DNM2: variants seen among roughly 807,000 people sequenced by gnomAD.
DNM2 encodes dynamin 2.
DNM2 carries 15 observed loss-of-function variants against 99.0 expected under a neutral mutation model. The ratio of observed to expected loss-of-function variants is 0.15; its 90% CI spans 0.10 to 0.23. DNM2 has a LOEUF of 0.23. DNM2 is among the 10% of genes least tolerant of loss of function. The probability of loss-of-function intolerance (pLI) is 1.00; values close to 1 mark genes in which losing one functional copy is unlikely to be tolerated. For missense variants in DNM2, 742 were observed against 1,189.4 expected, an observed-to-expected ratio of 0.62 and a Z score of 5.53; for synonymous variants, 525 against 481.2, an observed-to-expected ratio of 1.09 and a Z score of -1.19.
Position 10,742,936 on chromosome 19 carries a change from C to G in DNM2, c.162-16802C>G, listed in dbSNP as rs539902597. On this transcript the variant is annotated intron_variant, in intron 1 of 20. Coordinates refer to ENST00000389253, the MANE Select transcript of DNM2 (RefSeq NM_001005361.3). ...TTCTTTTTTTTTTTTTTTTTTGAGA[C>G]AGAGTCTCCCTCTGTCATGCAGGTT... Among the ~76,000 whole-genome samples the G allele has an allele frequency of 2.9e-5, 4 of 138,732 alleles. No individual in the cohort carries two copies. In the East Asian group the frequency reaches 6.5e-4, roughly 23 times the overall value. 91.0% of individuals were successfully genotyped at this position (138,732 alleles called of 152,430 possible). A position where few individuals can be genotyped will look rare whatever the true frequency, so the allele number is the denominator to read the frequency against.
chr19:10,824,904 C>A, intron 17 of DNM2, 153 bp from the exon 18 acceptor site: 2 of 1,245,290 alleles, frequency 1.6e-6, no homozygotes, highest in Non-Finnish European at 2.3e-6. Flanking sequence ...GCAGCTCTGG[C>A]CCAGGGCAAG....
intron 4 of DNM2, 112 bp from the exon 5 acceptor site, chr19:10,777,006 G>T (rs891298224): frequency 1.0e-6 from 1 of 994,204 alleles, no homozygotes; most frequent in African/African-American, 1.6e-5. Context: ...GCTTTCCCAG[G>T]TGATGTGACC....
chr19:10,736,627 G>A (rs2069537008), intron 1 of DNM2, among the ~76,000 whole-genome samples: 1 of 152,112 alleles, frequency 6.6e-6, no homozygotes, highest in African/African-American at 2.4e-5. Context: ...TGTTTGTTTA[G>A]ACAAAGTCTC....
rs902365563 is a variant in DNM2, at chr19:10,718,658, C to T, written c.161+255C>T. 51 of 368,804 alleles carry T rather than the reference C, an allele frequency of 1.4e-4. 1 individual carries two copies. Among genetic ancestry groups the T allele is most frequent in the African/African-American group, 7.7e-4 (36 of 46,670 alleles). The allele number at this position is 368,804 out of a possible 1,614,324, so 22.8% of individuals were successfully genotyped here. On this transcript the variant is annotated intron_variant, in intron 1 of 20. Transcript: ENST00000389253. Reference sequence around the variant, plus strand: ...CCGTAGGACAGGAGGTGCGCTGGAACCCTGCGGTCCATCTGGTCCCAGCTT... The same window carrying T: ...CCGTAGGACAGGAGGTGCGCTGGAATCCTGCGGTCCATCTGGTCCCAGCTT...
chr19:10,744,677 C>T (rs1568275144), intron 1 of DNM2, among the ~76,000 whole-genome samples: 3 of 152,122 alleles, frequency 2.0e-5, no homozygotes, highest in South Asian at 2.1e-4. Flanking sequence ...ACACAGTGAG[C>T]GTTCACTTTG....
intron 1 of DNM2, among the ~76,000 whole-genome samples, chr19:10,727,110 T>C (rs893417957): frequency 3.9e-5 from 6 of 152,130 alleles, no homozygotes; most frequent in African/African-American, 1.4e-4. Flanking sequence ...GTGAATCGTC[T>C]CCCCATGTGA....
Position 10,775,956 on chromosome 19 carries a change from G to C in DNM2, c.589+50G>C. 2 of 1,594,860 alleles carry C rather than the reference G, an allele frequency of 1.3e-6. No individual in the cohort carries two copies. Among genetic ancestry groups the C allele is most frequent in the Non-Finnish European group, 1.7e-6 (2 of 1,175,430 alleles). ...CCTCTTCCAGGTGCCTCTGAGCATG[G>C]GATGTGCCCAGCATCCTTGGTTCCA... On this transcript the variant is annotated intron_variant, in intron 4 of 20. Transcript: ENST00000389253. The surrounding 1 kb of genome is among the most constrained non-coding windows in gnomAD (Gnocchi z 4.3).
intron 1 of DNM2, among the ~76,000 whole-genome samples, chr19:10,738,355 G>A (rs913428850): frequency 1.3e-5 from 2 of 152,232 alleles, no homozygotes; most frequent in Non-Finnish European, 2.9e-5. Flanking sequence ...GGTGGCTCAC[G>A]CCCATAGACC....
chr19:10,720,215 T>A (rs1032378292), intron 1 of DNM2, among the ~76,000 whole-genome samples: 1 of 143,954 alleles, frequency 6.9e-6, no homozygotes, highest in Non-Finnish European at 1.5e-5. Flanking sequence ...TTTATTTATT[T>A]ATTTTTTTTT....
chr19:10,813,838 A>AG (rs1555714064), intron 15 of DNM2, among the ~76,000 whole-genome samples: 11 of 150,860 alleles, frequency 7.3e-5, no homozygotes, highest in South Asian at 6.3e-4. Flanking sequence ...AAAAAAAAAA[A>AG]AAGAAGAAGA....
chr19:10,818,254 C>T lies in DNM2; in HGVS notation c.1672-1726C>T, dbSNP rs151220112. On this transcript the variant is annotated intron_variant, in intron 15 of 20. Transcript: ENST00000389253. The surrounding 1 kb of genome is among the most constrained non-coding windows in gnomAD (Gnocchi z 4.3). Reference sequence around the variant, plus strand: ...CCCTCCATGGCCACCGGGCCCCTCTCCTATGCTCTGCTCCCTCCATGGCCA... The same window carrying T: ...CCCTCCATGGCCACCGGGCCCCTCTTCTATGCTCTGCTCCCTCCATGGCCA... Among the ~76,000 whole-genome samples the T allele has an allele frequency of 1.6e-3, 237 of 148,018 alleles. 1 individual carries two copies. The highest frequency in any genetic ancestry group is 5.3e-3 in the African/African-American group (216 of 40,604).
At chr19:10,752,733 A>T (rs576887054) in intron 1 of DNM2, among the ~76,000 whole-genome samples, 12 of 152,284 alleles carry the variant, frequency 7.9e-5, no homozygotes, top group Admixed American at 7.8e-4. Flanking sequence ...GAGCCAGCAG[A>T]CCCATTTTAA....
Position 10,831,864 on chromosome 19 carries a change from T to G in DNM2, c.*817T>G. 1 of 1,017,090 alleles carries G rather than the reference T, an allele frequency of 9.8e-7. No individual in the cohort carries two copies. The allele number at this position is 1,017,090 out of a possible 1,614,324, so 63.0% of individuals were successfully genotyped here. ...CACTGTAAGTGCCTGCACTCTGTAT[T>G]CTATTAATAAACTAAAATAAAGGGA... On this transcript the variant is annotated 3_prime_UTR_variant, in exon 21 of 21. Coordinates refer to ENST00000389253, the MANE Select transcript of DNM2 (RefSeq NM_001005361.3). This position sits in a 1 kb window ranked among gnomAD's most constrained non-coding sequence, Gnocchi z 4.3.
intron 1 of DNM2, 182 bp from the exon 2 acceptor site, chr19:10,759,556 C>T: frequency 2.8e-6 from 2 of 719,620 alleles, no homozygotes; most frequent in Non-Finnish European, 5.0e-6. Flanking sequence ...GCATACCTTC[C>T]TGAGCTCTTC....
In DNM2 at chr19:10,764,014, T is replaced by G. The variant is rs1465794065; in HGVS notation, c.235+4203T>G. ...GCATAGGCACCCTTGCTGGGGGAGGTGGGTGGGAGGTAGGACGCCTTACTA... is the reference window on the plus strand; with the variant it reads ...GCATAGGCACCCTTGCTGGGGGAGGGGGGTGGGAGGTAGGACGCCTTACTA... On this transcript the variant is annotated intron_variant, in intron 2 of 20. Transcript: ENST00000389253. This position sits in a 1 kb window ranked among gnomAD's most constrained non-coding sequence, Gnocchi z 4.1. Among the ~76,000 whole-genome samples, 6 of 145,904 alleles carry G rather than the reference T, an allele frequency of 4.1e-5. No homozygotes were observed. Among genetic ancestry groups the G allele is most frequent in the South Asian group, 2.2e-4 (1 of 4,516 alleles).
intron 15 of DNM2, among the ~76,000 whole-genome samples, chr19:10,815,035 G>A (rs2072686200): frequency 6.6e-6 from 1 of 152,158 alleles, no homozygotes; most frequent in Admixed American, 6.5e-5. Flanking sequence ...GTGTTATGTG[G>A]GCAATGGATT....
At chr19:10,731,518 A>T (rs145540915) in intron 1 of DNM2, among the ~76,000 whole-genome samples, 4,714 of 151,804 alleles carry the variant, frequency 0.031, 78 homozygotes, top group South Asian at 0.096. Flanking sequence ...ACGCCTGGCT[A>T]ATTTTTTGTA....
chr19:10,791,584 CA>C (rs1302245261), intron 7 of DNM2, among the ~76,000 whole-genome samples: 1 of 152,156 alleles, frequency 6.6e-6, no homozygotes, highest in East Asian at 1.9e-4. Context: ...TCTGATTGTG[CA>C]GCGTGGGTTG....
chr19:10,736,886 G>A (rs1052311188), intron 1 of DNM2, among the ~76,000 whole-genome samples: 1 of 152,054 alleles, frequency 6.6e-6, no homozygotes, highest in African/African-American at 2.4e-5. Flanking sequence ...CGTGGCTTAC[G>A]CTGTAATCCC....
Sources: allele counts gnomAD v4.1 joint callset (sites outside exome capture counted in the v4.1 genomes callset), GRCh38; gene constraint gnomAD v4.1.1; non-coding constraint Gnocchi (gnomAD v3.1); transcripts MANE v1.5; gene names NCBI Gene and HGNC (gene_info 2026-07-23, HGNC 2026-07-21).